PTPRN2: variants seen among roughly 807,000 people sequenced by gnomAD.
PTPRN2 encodes the protein receptor-type tyrosine-protein phosphatase N2.
A neutral mutation model predicts 118.8 loss-of-function variants in PTPRN2; 74 were observed. The observed-to-expected ratio is 0.62, with a 90% CI of 0.52 to 0.76. PTPRN2 has a LOEUF of 0.76. Among genes scored for constraint, PTPRN2 ranks in the 30% least tolerant of loss-of-function variants. PTPRN2 has a pLI of 0.00. For synonymous variants in PTPRN2, 641 were observed against 608.0 expected (o/e 1.05, Z -0.80); for missense variants, 1,481 against 1,394.4 (o/e 1.06, Z -0.99).
chr7:158,327,215 A>G (rs533960457), intron 2 of PTPRN2, among the ~76,000 whole-genome samples: 3 of 136,412 alleles, frequency 2.2e-5, no homozygotes, highest in Admixed American at 6.9e-5. Context: ...ATTCTCAAAC[A>G]CACACGTAAA....
intron 2 of PTPRN2, among the ~76,000 whole-genome samples, chr7:158,446,713 T>G (rs537822484): frequency 6.6e-6 from 1 of 152,268 alleles, no homozygotes; most frequent in Admixed American, 6.5e-5. Flanking sequence ...TTCATCTATC[T>G]GGATTTTTGG....
rs1050737656 is a variant in PTPRN2 at position 157,561,472 on chromosome 7, G to A, written c.2902+7430C>T. On this transcript the variant is annotated intron_variant, in intron 21 of 22. Transcript: ENST00000389418. Reference sequence around the variant, plus strand: ...TCCCTGGAGCCCTGGAACACACCACGCTGTGCCTCTGAGCGCCGTCCCTGG... The same window carrying A: ...TCCCTGGAGCCCTGGAACACACCACACTGTGCCTCTGAGCGCCGTCCCTGG... Among the ~76,000 whole-genome samples the A allele has an allele frequency of 3.0e-4, 45 of 152,232 alleles. 1 individual carries two copies. The highest frequency in any genetic ancestry group is 1.0e-3 in the African/African-American group (42 of 41,462).
intron 22 of PTPRN2, among the ~76,000 whole-genome samples, chr7:157,548,567 C>T (rs958623313): frequency 2.0e-5 from 3 of 152,236 alleles, no homozygotes; most frequent in African/African-American, 7.2e-5. Context: ...AAAGCGCAGG[C>T]CCCGGAGAGG....
At chr7:157,966,673 C>A (rs1182180329) in intron 11 of PTPRN2, among the ~76,000 whole-genome samples, 3 of 152,046 alleles carry the variant, frequency 2.0e-5, no homozygotes, top group African/African-American at 7.2e-5. Flanking sequence ...TCACCATCAT[C>A]ATCTTTATCA....
At position 158,573,820 on chromosome 7, in the gene PTPRN2, C is replaced by T. The variant is rs11971747; in HGVS notation, c.112+13738G>A. On this transcript the variant is annotated intron_variant, in intron 1 of 22. Transcript: ENST00000389418. ...GCTGGAGCCCCACGAGACCCCACAGCAAATGGCCTCTTGGGATCTGGTGCC... is the reference window on the plus strand; with the variant it reads ...GCTGGAGCCCCACGAGACCCCACAGTAAATGGCCTCTTGGGATCTGGTGCC... Among the ~76,000 whole-genome samples, 945 of 152,336 alleles carry T rather than the reference C, an allele frequency of 6.2e-3. 14 individuals are homozygous for T. Among genetic ancestry groups the T allele is most frequent in the African/African-American group, 0.021 (882 of 41,566 alleles).
At chr7:157,569,362 C>T (rs1304248959) in intron 20 of PTPRN2, among the ~76,000 whole-genome samples, 1 of 152,256 alleles carries the variant, frequency 6.6e-6, no homozygotes, top group Non-Finnish European at 1.5e-5. Context: ...GCCGGGCAAC[C>T]TCCCGAGCGG....
In PTPRN2 at chr7:158,035,083, C is replaced by G. The variant is rs559560540; in HGVS notation, c.1723+46215G>C. ...ACATGTGGCCTGAGCTTAGGAGGAA[C>G]AAAATTTGAAATTGTACTGCCCAGA... On this transcript the variant is annotated intron_variant, in intron 11 of 22. Transcript: ENST00000389418. Among the ~76,000 whole-genome samples, 6 of 152,320 alleles carry G rather than the reference C, an allele frequency of 3.9e-5. No homozygotes were observed. In the South Asian group the frequency reaches 1.2e-3, roughly 32 times the overall value.
At chr7:157,544,893 GGTGT>G (rs138204645) in intron 22 of PTPRN2, among the ~76,000 whole-genome samples, 1 of 145,070 alleles carries the variant, frequency 6.9e-6, no homozygotes, top group African/African-American at 2.5e-5. Flanking sequence ...TGGGTGTGTA[GGTGT>G]GTGTGGGTGT....
intron 5 of PTPRN2, 149 bp from the exon 6 acceptor site, chr7:158,167,440 C>T: frequency 2.0e-6 from 2 of 1,009,912 alleles, no homozygotes; most frequent in Non-Finnish European, 2.8e-6. Context: ...AGGTCCTAAA[C>T]AGCCCTGGAC....
chr7:157,796,148 C>A (rs1384590663), intron 12 of PTPRN2, among the ~76,000 whole-genome samples: 1 of 152,270 alleles, frequency 6.6e-6, no homozygotes, highest in Non-Finnish European at 1.5e-5. Context: ...AATTACATAA[C>A]TGTCCTCCTT....
chr7:158,498,185 C>G (rs1195580246), intron 1 of PTPRN2, among the ~76,000 whole-genome samples: 1 of 152,220 alleles, frequency 6.6e-6, no homozygotes, highest in Non-Finnish European at 1.5e-5. Context: ...TCCTCCTGTT[C>G]ACAAAATCAG....
rs556851414 is a variant in PTPRN2, at chr7:158,251,996, C to T, written c.278-46723G>A. ...CCACATACCTGCCCCAGGCTCAGGG[C>T]AGGTCCCAGCAAAGCCCCTTCTTGG... On this transcript the variant is annotated intron_variant, in intron 3 of 22. Transcript: ENST00000389418. 3.9e-5 allele frequency among the ~76,000 whole-genome samples: 6 copies of T among 152,316 alleles called. 1 individual carries two copies. In the South Asian group the frequency reaches 1.2e-3, roughly 32 times the overall value.
Position 157,591,767 on chromosome 7 carries a change from A to G in PTPRN2, c.2496+3471T>C, listed in dbSNP as rs190503096. Among the ~76,000 whole-genome samples the G allele has an allele frequency of 6.6e-6, 1 of 152,354 alleles. No individual in the cohort carries two copies. The highest frequency in any genetic ancestry group is 1.9e-4 in the East Asian group (1 of 5,186). On this transcript the variant is annotated intron_variant, in intron 17 of 22. Transcript: ENST00000389418. The surrounding 1 kb of genome is among the most constrained non-coding windows in gnomAD (Gnocchi z 4.4). ...CCAGGCAAATGTGACTGTGCTAGGAAGCAACTCTCCTCCATCCTGCTCTGT... is the reference window on the plus strand; with the variant it reads ...CCAGGCAAATGTGACTGTGCTAGGAGGCAACTCTCCTCCATCCTGCTCTGT...
intron 1 of PTPRN2, among the ~76,000 whole-genome samples, chr7:158,583,479 C>G (rs993040746): frequency 6.6e-6 from 1 of 152,128 alleles, no homozygotes; most frequent in Non-Finnish European, 1.5e-5. Flanking sequence ...CCCCACCTCC[C>G]CTCCCTGGCA....
At chr7:158,203,225 C>CAAAAAAAAAAAAAAAAAAAAAAAAAAAA (rs56016358) in intron 4 of PTPRN2, among the ~76,000 whole-genome samples, 1 of 50,340 alleles carries the variant, frequency 2.0e-5, no homozygotes, top group Non-Finnish European at 3.9e-5. Flanking sequence ...AAGCAAGAGC[C>CAAAAAAAAAAAAAAAAAAAAAAAAAAAA]AAAAAAAAAA....
intron 11 of PTPRN2, among the ~76,000 whole-genome samples, chr7:157,973,467 A>T (rs1014930645): frequency 6.6e-6 from 1 of 152,244 alleles, no homozygotes; most frequent in Non-Finnish European, 1.5e-5. Flanking sequence ...AGGGAAATGA[A>T]TTTCCAATAT....
chr7:157,783,115 TGAA>T (rs1019892397), intron 12 of PTPRN2, among the ~76,000 whole-genome samples: 6 of 152,332 alleles, frequency 3.9e-5, no homozygotes, highest in Admixed American at 2.6e-4. Context: ...TGCCGCCACG[TGAA>T]GAAGAACATG....
chr7:157,630,394 C>T (rs1037194662), intron 14 of PTPRN2, among the ~76,000 whole-genome samples: 3 of 152,156 alleles, frequency 2.0e-5, no homozygotes, highest in South Asian at 2.1e-4. Flanking sequence ...ACAGGAATCC[C>T]GACCCATACG....
intron 12 of PTPRN2, among the ~76,000 whole-genome samples, chr7:157,846,412 G>A (rs1222852733): frequency 1.3e-5 from 2 of 151,922 alleles, no homozygotes; most frequent in Non-Finnish European, 1.5e-5. Flanking sequence ...AGGAAATGAC[G>A]CTCTAAAAAT....
Sources: gnomAD v4.1 joint callset for allele counts (sites outside exome capture counted in the v4.1 genomes callset) on GRCh38, gnomAD v4.1.1 for gene constraint, Gnocchi (gnomAD v3.1) non-coding constraint, MANE v1.5 for transcripts, NCBI Gene and HGNC (gene_info 2026-07-23, HGNC 2026-07-21) for gene names.